NALF1: variants seen among roughly 807,000 people sequenced by gnomAD.
The protein encoded by NALF1 is family with sequence similarity 155 member A.
A neutral mutation model predicts 48.4 loss-of-function variants in NALF1; 3 were observed. That is an observed-to-expected ratio of 0.06 (90% CI 0.03 to 0.16). The LOEUF (loss-of-function observed/expected upper bound fraction) is 0.16, where lower values mean the gene tolerates loss of function less well. NALF1 is among the 10% of genes least tolerant of loss of function. The pLI is 1.00. For missense variants in NALF1, 526 were observed against 571.5 expected (o/e 0.92, Z 0.81); for synonymous variants, 262 against 245.7 (o/e 1.07, Z -0.62).
chr13:107,630,212 C>T (rs1285984862), intron 1 of NALF1, among the ~76,000 whole-genome samples: 9 of 152,046 alleles, frequency 5.9e-5, no homozygotes, highest in Non-Finnish European at 1.3e-4. Flanking sequence ...ATTCTCTTAC[C>T]GTGACACAAG....
chr13:107,702,325 A>G (rs1279952940), intron 1 of NALF1, among the ~76,000 whole-genome samples: 2 of 152,180 alleles, frequency 1.3e-5, no homozygotes, highest in African/African-American at 4.8e-5. Context: ...AGCAATTTCT[A>G]TTACAAACCT....
At chr13:107,317,431 A>G (rs900006505) in intron 1 of NALF1, among the ~76,000 whole-genome samples, 3 of 152,098 alleles carry the variant, frequency 2.0e-5, no homozygotes, top group African/African-American at 7.2e-5. Context: ...ATATCCTAAC[A>G]ATTTTACATA....
Position 107,349,121 on chromosome 13 carries a change from G to T in NALF1, c.916-138366C>A, listed in dbSNP as rs78261174. Among the ~76,000 whole-genome samples the T allele has an allele frequency of 1.7e-3, 253 of 152,296 alleles. 2 individuals are homozygous for T. In the Middle Eastern group the frequency reaches 0.02, roughly 12 times the overall value. Reference sequence around the variant, plus strand: ...ATCTGTGAATCATAATTGTGAAATAGGATTTCCTGGGGACATTCTCATTAG... The same window carrying T: ...ATCTGTGAATCATAATTGTGAAATATGATTTCCTGGGGACATTCTCATTAG... On this transcript the variant is annotated intron_variant, in intron 1 of 2. Coordinates refer to ENST00000375915, the MANE Select transcript of NALF1 (RefSeq NM_001080396.3).
At chr13:107,546,216 C>T (rs1219972709) in intron 1 of NALF1, among the ~76,000 whole-genome samples, 1 of 152,164 alleles carries the variant, frequency 6.6e-6, no homozygotes, top group Non-Finnish European at 1.5e-5. Context: ...TGCTGCTCTG[C>T]AGACAGGCCT....
rs34999908 is a variant in NALF1, at chr13:107,851,805, C to CTTTTT, written c.915+13872_915+13876dup. ...GGATTAAGGGCTTTACAGGCCCTTT[C>CTTTTT]TTTTTTTTTTTTTTTTTTTTTGAGA... On this transcript the variant is annotated intron_variant, in intron 1 of 2. Coordinates refer to ENST00000375915, the MANE Select transcript of NALF1 (RefSeq NM_001080396.3). Among the ~76,000 whole-genome samples the CTTTTT allele has an allele frequency of 2.0e-3, 208 of 104,542 alleles. 2 individuals are homozygous for CTTTTT. The highest frequency in any genetic ancestry group is 3.0e-3 in the Non-Finnish European group (160 of 53,450). The allele number at this position is 104,542 out of a possible 152,430, so 68.6% of individuals were successfully genotyped here. A position where few individuals can be genotyped will look rare whatever the true frequency, so the allele number is the denominator to read the frequency against.
chr13:107,593,009 G>A lies in NALF1; in HGVS notation c.915+272673C>T, dbSNP rs188488784. Among the ~76,000 whole-genome samples, 234 of 151,782 alleles carry A rather than the reference G, an allele frequency of 1.5e-3. 1 individual carries two copies. The highest frequency in any genetic ancestry group is 5.4e-3 in the African/African-American group (222 of 41,488). On this transcript the variant is annotated intron_variant, in intron 1 of 2. Transcript: ENST00000375915. Reference sequence around the variant, plus strand: ...ATATATAAAAATATTTTTAGTTAACGCTGTTGATCTCTTTAGCAAAGGTCA... The same window carrying A: ...ATATATAAAAATATTTTTAGTTAACACTGTTGATCTCTTTAGCAAAGGTCA...
chr13:107,635,143 C>G (rs1028370069), intron 1 of NALF1, among the ~76,000 whole-genome samples: 1 of 152,236 alleles, frequency 6.6e-6, no homozygotes, highest in Admixed American at 6.5e-5. Flanking sequence ...TTTCACACAC[C>G]TGCAAACTCA....
chr13:107,457,772 T>G (rs1178722527), intron 1 of NALF1, among the ~76,000 whole-genome samples: 2 of 152,206 alleles, frequency 1.3e-5, no homozygotes, highest in African/African-American at 4.8e-5. Flanking sequence ...AAACAAACAC[T>G]TTCCAAGGAA....
chr13:107,696,379 C>T (rs962741392), intron 1 of NALF1, among the ~76,000 whole-genome samples: 14 of 152,242 alleles, frequency 9.2e-5, no homozygotes, highest in African/African-American at 3.4e-4. Context: ...AAGTGTGATT[C>T]AAATCTGATT....
At chr13:107,625,123 A>G (rs552579572) in intron 1 of NALF1, among the ~76,000 whole-genome samples, 1 of 152,212 alleles carries the variant, frequency 6.6e-6, no homozygotes, top group East Asian at 1.9e-4. Flanking sequence ...ACGGAGTACC[A>G]CTTTTTCTTG....
At chr13:107,719,623 C>A (rs1355646614) in intron 1 of NALF1, among the ~76,000 whole-genome samples, 2 of 152,064 alleles carry the variant, frequency 1.3e-5, no homozygotes, top group African/African-American at 4.8e-5. Context: ...AACCACGGCT[C>A]TTCTCTCACT....
At chr13:107,730,220 T>G (rs1359356719) in intron 1 of NALF1, among the ~76,000 whole-genome samples, 1 of 152,222 alleles carries the variant, frequency 6.6e-6, no homozygotes, top group African/African-American at 2.4e-5. Flanking sequence ...CTAAATAAAG[T>G]GATTTCTTTT....
intron 1 of NALF1, among the ~76,000 whole-genome samples, chr13:107,391,584 C>A (rs1354311769): frequency 6.6e-6 from 1 of 152,070 alleles, no homozygotes; most frequent in Non-Finnish European, 1.5e-5. Flanking sequence ...ACACTTACAA[C>A]CCTCTCTCTC....
intron 1 of NALF1, among the ~76,000 whole-genome samples, chr13:107,715,941 T>C (rs775417288): frequency 2.0e-5 from 3 of 151,934 alleles, no homozygotes; most frequent in Non-Finnish European, 4.4e-5. Flanking sequence ...GAGAGAGGAG[T>C]AAAATGGAGC....
chr13:107,745,843 C>G (rs1272035157), intron 1 of NALF1, among the ~76,000 whole-genome samples: 1 of 152,106 alleles, frequency 6.6e-6, no homozygotes, highest in African/African-American at 2.4e-5. Context: ...TTATAAGGGG[C>G]TTTTCCCCCT....
chr13:107,789,311 G>T (rs1878163921), intron 1 of NALF1, among the ~76,000 whole-genome samples: 1 of 152,150 alleles, frequency 6.6e-6, no homozygotes, highest in African/African-American at 2.4e-5. Flanking sequence ...TAAGTACAGA[G>T]TGATTTCACA....
At chr13:107,438,645 C>CA (rs1468888911) in intron 1 of NALF1, among the ~76,000 whole-genome samples, 1 of 151,102 alleles carries the variant, frequency 6.6e-6, no homozygotes, top group Non-Finnish European at 1.5e-5. Flanking sequence ...CTACTAAAAA[C>CA]AAATAACAAA....
chr13:107,301,247 T>C (rs961301393), intron 1 of NALF1, among the ~76,000 whole-genome samples: 2 of 152,214 alleles, frequency 1.3e-5, no homozygotes, highest in Admixed American at 6.5e-5. Context: ...CATCCATCCA[T>C]GGATTTAGTC....
chr13:107,225,929 T>C (rs946091546), intron 1 of NALF1, among the ~76,000 whole-genome samples: 10 of 151,694 alleles, frequency 6.6e-5, no homozygotes, highest in African/African-American at 2.4e-4. Flanking sequence ...TTCCCTTACA[T>C]TGGAACTGGA....
Sources: gnomAD v4.1 joint callset for allele counts (sites outside exome capture counted in the v4.1 genomes callset) on GRCh38, gnomAD v4.1.1 for gene constraint, MANE v1.5 for transcripts, NCBI Gene and HGNC (gene_info 2026-07-23, HGNC 2026-07-21) for gene names.